Variants in CA10 observed in about 807,000 individuals in gnomAD.
CA10 encodes the protein carbonic anhydrase-related protein 10.
A neutral mutation model predicts 44.2 loss-of-function variants in CA10; 14 were observed. The ratio of observed to expected loss-of-function variants is 0.32; its 90% confidence interval spans 0.21 to 0.50. The LOEUF is 0.50. CA10 is among the 20% of genes least tolerant of loss of function. CA10 has a pLI of 0.99. For missense variants in CA10, 350 were observed against 409.7 expected (o/e 0.85, Z 1.26); for synonymous variants, 159 against 141.6 (o/e 1.12, Z -0.87).
intron 3 of CA10, among the ~76,000 whole-genome samples, chr17:51,905,514 T>A (rs1470344410): frequency 6.9e-6 from 1 of 144,402 alleles, no homozygotes; most frequent in East Asian, 2.0e-4. Context: ...TGGCCCATCA[T>A]CCCTATCAGT....
intron 1 of CA10, among the ~76,000 whole-genome samples, chr17:52,105,194 A>G (rs1279037587): frequency 8.8e-6 from 1 of 113,542 alleles, no homozygotes; most frequent in Admixed American, 9.5e-5. Flanking sequence ...TTCAAAACCC[A>G]CTGGCTTCCT....
chr17:51,812,575 A>G (rs1907414203), intron 3 of CA10, among the ~76,000 whole-genome samples: 1 of 152,230 alleles, frequency 6.6e-6, no homozygotes, highest in Non-Finnish European at 1.5e-5. Context: ...AGATATTGAG[A>G]GCAAAGCTGG....
intron 2 of CA10, among the ~76,000 whole-genome samples, chr17:52,029,134 C>T (rs1198143423): frequency 6.6e-6 from 1 of 152,132 alleles, no homozygotes; most frequent in Non-Finnish European, 1.5e-5. Context: ...AATTCTACAA[C>T]TTAATTGAGC....
chr17:51,691,217 T>G (rs986524207), intron 4 of CA10, among the ~76,000 whole-genome samples: 1 of 152,226 alleles, frequency 6.6e-6, no homozygotes, highest in Non-Finnish European at 1.5e-5. Flanking sequence ...TTTCTTCACA[T>G]CCTTTGCACA....
intron 4 of CA10, among the ~76,000 whole-genome samples, chr17:51,693,003 T>C (rs1260976511): frequency 6.6e-6 from 1 of 152,244 alleles, no homozygotes; most frequent in Non-Finnish European, 1.5e-5. Flanking sequence ...TCAGCCAGTT[T>C]CATTTGGTTT....
intron 3 of CA10, among the ~76,000 whole-genome samples, chr17:51,784,085 C>T (rs543621538): frequency 9.2e-5 from 14 of 152,256 alleles, no homozygotes; most frequent in Non-Finnish European, 1.8e-4. Flanking sequence ...CTCTACCTCT[C>T]CTTGTCTAGG....
At chr17:51,832,633 T>C (rs1382853707) in intron 3 of CA10, among the ~76,000 whole-genome samples, 2 of 152,226 alleles carry the variant, frequency 1.3e-5, no homozygotes, top group Non-Finnish European at 2.9e-5. Context: ...GGAATGTCAG[T>C]AGCAGATTGC....
intron 3 of CA10, among the ~76,000 whole-genome samples, chr17:51,860,709 C>T (rs983737133): frequency 6.6e-6 from 1 of 152,120 alleles, no homozygotes; most frequent in African/African-American, 2.4e-5. Flanking sequence ...GATGATATAG[C>T]TGTGTATTAA....
At chr17:52,012,732 A>G (rs1985838274) in intron 2 of CA10, among the ~76,000 whole-genome samples, 1 of 152,040 alleles carries the variant, frequency 6.6e-6, no homozygotes, top group African/African-American at 2.4e-5. Flanking sequence ...AATTGTCTAC[A>G]ATTTTTCAAT....
chr17:51,880,009 G>C (rs1284940549), intron 3 of CA10, among the ~76,000 whole-genome samples: 2 of 152,182 alleles, frequency 1.3e-5, no homozygotes, highest in Non-Finnish European at 2.9e-5. Context: ...CTCTAAGCAT[G>C]CCTTTCATAT....
chr17:52,058,426 T>C (rs1987288925), intron 2 of CA10, among the ~76,000 whole-genome samples: 1 of 152,152 alleles, frequency 6.6e-6, no homozygotes. Flanking sequence ...ACTGAGGCTC[T>C]GAGACATTAG....
At chr17:51,653,089 A>C (rs2106329) in intron 5 of CA10, among the ~76,000 whole-genome samples, 3 of 151,976 alleles carry the variant, frequency 2.0e-5, no homozygotes, top group African/African-American at 7.3e-5. Context: ...AGTTTCCTCA[A>C]AATGTCATAA....
intron 3 of CA10, among the ~76,000 whole-genome samples, chr17:51,888,687 C>T (rs1303517463): frequency 3.4e-5 from 5 of 146,052 alleles, no homozygotes; most frequent in East Asian, 3.9e-4. Context: ...CCAATTTGAC[C>T]GTCTTCTAGA....
chr17:52,104,626 C>G (rs889716923), intron 1 of CA10, among the ~76,000 whole-genome samples: 6 of 152,186 alleles, frequency 3.9e-5, no homozygotes, highest in Admixed American at 1.3e-4. Flanking sequence ...AAATCTCCAA[C>G]CTTACCTCCT....
intron 2 of CA10, among the ~76,000 whole-genome samples, chr17:51,993,000 C>G (rs1985097397): frequency 6.6e-6 from 1 of 152,138 alleles, no homozygotes; most frequent in African/African-American, 2.4e-5. Flanking sequence ...GGCAGGCAAT[C>G]TTACTCGGTT....
chr17:51,736,990 C>T lies in CA10; in HGVS notation c.465+10643G>A, dbSNP rs143554893. On this transcript the variant is annotated intron_variant, in intron 4 of 8. Transcript: ENST00000451037. Reference sequence around the variant, plus strand: ...GAAACAGTGCAGACTGTTCTTAAGGCTGATGCAGAATTGAGAGGAACTGGA... The same window carrying T: ...GAAACAGTGCAGACTGTTCTTAAGGTTGATGCAGAATTGAGAGGAACTGGA... Among the ~76,000 whole-genome samples the T allele has an allele frequency of 1.9e-3, 289 of 152,228 alleles. 1 individual carries two copies. The highest frequency in any genetic ancestry group is 6.6e-3 in the African/African-American group (275 of 41,540).
intron 3 of CA10, among the ~76,000 whole-genome samples, chr17:51,792,714 A>G (rs947054345): frequency 6.6e-6 from 1 of 152,244 alleles, no homozygotes; most frequent in Non-Finnish European, 1.5e-5. Context: ...GGTCTGCATT[A>G]TACAGTGAGG....
chr17:52,095,199 G>A (rs578176087), intron 1 of CA10, among the ~76,000 whole-genome samples: 1 of 152,244 alleles, frequency 6.6e-6, no homozygotes, highest in South Asian at 2.1e-4. Flanking sequence ...TAGAGTGAAA[G>A]AAGCCAGACA....
intron 2 of CA10, among the ~76,000 whole-genome samples, chr17:52,064,279 C>T (rs532313904): frequency 6.6e-6 from 1 of 152,274 alleles, no homozygotes; most frequent in South Asian, 2.1e-4. Flanking sequence ...CCTTATGGGA[C>T]TCAGTAGAGG....
Sources: allele counts gnomAD v4.1 joint callset (sites outside exome capture counted in the v4.1 genomes callset), GRCh38; gene constraint gnomAD v4.1.1; transcripts MANE v1.5; gene names NCBI Gene and HGNC (gene_info 2026-07-23, HGNC 2026-07-21).